The following FREM1 variants were observed in gnomAD, a reference collection of about 807,000 sequenced individuals.
The protein encoded by FREM1 is FRAS1 related extracellular matrix 1.
In FREM1, 220 loss-of-function variants were observed where a neutral mutation model predicts 210.1. That is an observed-to-expected ratio of 1.05 (90% confidence interval 0.94 to 1.17). The LOEUF is 1.17. Ranked by LOEUF, FREM1 falls within the 50% of genes most tolerant of loss-of-function variation. The pLI is 0.00. For synonymous variants in FREM1, 1,189 were observed against 980.2 expected, an observed-to-expected ratio of 1.21 and a Z score of -3.98; for missense variants, 3,454 against 2,675.5, an observed-to-expected ratio of 1.29 and a Z score of -6.42.
At chr9:14,739,582 C>T (rs898965037) in intron 36 of FREM1, among the ~76,000 whole-genome samples, 49 of 145,824 alleles carry the variant, frequency 3.4e-4, no homozygotes, top group African/African-American at 1.2e-3. Flanking sequence ...TATATTTATA[C>T]ATACACCACA....
intron 3 of FREM1, 93 bp from the exon 4 acceptor site, chr9:14,859,577 A>C: frequency 9.4e-7 from 1 of 1,060,492 alleles, no homozygotes; most frequent in Non-Finnish European, 1.4e-6. Flanking sequence ...ATTGGCCTTC[A>C]CCAAATTTGT....
At chr9:14,805,675 T>C (rs1434479318) in intron 18 of FREM1, among the ~76,000 whole-genome samples, 1 of 152,244 alleles carries the variant, frequency 6.6e-6, no homozygotes, top group Non-Finnish European at 1.5e-5. Context: ...TGCTTAAAGA[T>C]GTGCATTAAG....
intron 27 of FREM1, among the ~76,000 whole-genome samples, chr9:14,762,760 T>TC (rs1375167899): frequency 6.6e-6 from 1 of 151,374 alleles, no homozygotes; most frequent in East Asian, 1.9e-4. Context: ...ATGTGATTTT[T>TC]TTTTTTTTTT....
At chr9:14,773,277 T>C (rs1024833148) in intron 25 of FREM1, among the ~76,000 whole-genome samples, 1 of 152,206 alleles carries the variant, frequency 6.6e-6, no homozygotes, top group Non-Finnish European at 1.5e-5. Flanking sequence ...CAAATGAATG[T>C]CAGGTTGTGC....
At chr9:14,792,303 C>CAG (rs150406422) in intron 22 of FREM1, among the ~76,000 whole-genome samples, 2,381 of 137,708 alleles carry the variant, frequency 0.017, 29 homozygotes, top group Non-Finnish European at 0.026. Flanking sequence ...CACACACACA[C>CAG]AGAGAGAGAG....
At chr9:14,757,485 G>T (rs941815400) in intron 28 of FREM1, among the ~76,000 whole-genome samples, 1 of 152,164 alleles carries the variant, frequency 6.6e-6, no homozygotes, top group Non-Finnish European at 1.5e-5. Flanking sequence ...AACTTGGGAG[G>T]TGGAGGTTGC....
chr9:14,832,654 T>C (rs1823779740), intron 10 of FREM1, among the ~76,000 whole-genome samples: 1 of 152,114 alleles, frequency 6.6e-6, no homozygotes, highest in African/African-American at 2.4e-5. Flanking sequence ...AAATGCTTGA[T>C]GTAGAGTTGA....
chr9:14,777,513 C>T (rs12376332), intron 24 of FREM1, among the ~76,000 whole-genome samples: 5 of 152,024 alleles, frequency 3.3e-5, no homozygotes, highest in African/African-American at 9.7e-5. Flanking sequence ...TGGAAATATT[C>T]GTAGAGGATG....
At chr9:14,765,450 T>G (rs1042535486) in intron 27 of FREM1, among the ~76,000 whole-genome samples, 6 of 152,330 alleles carry the variant, frequency 3.9e-5, no homozygotes, top group Admixed American at 1.3e-4. Flanking sequence ...ATTACACTCA[T>G]GTAAAATGAT....
At chr9:14,826,817 T>C (rs1822543625) in intron 10 of FREM1, among the ~76,000 whole-genome samples, 1 of 152,198 alleles carries the variant, frequency 6.6e-6, no homozygotes, top group South Asian at 2.1e-4. Context: ...ACACAGCATT[T>C]GTTCCCTCTG....
At chr9:14,747,085 A>G in intron 33 of FREM1, 34 bp from the exon 34 acceptor site, 1 of 1,612,566 alleles carries the variant, frequency 6.2e-7, no homozygotes, top group Non-Finnish European at 8.5e-7. Flanking sequence ...GCAATTTAGA[A>G]TTGACTTAAG....
chr9:14,801,784 T>A lies in FREM1; in HGVS notation c.3562A>T (p.Thr1188Ser). The A allele has an allele frequency of 6.2e-7, 1 of 1,613,900 alleles. No homozygotes were observed. The highest frequency in any genetic ancestry group is 8.5e-7 in the Non-Finnish European group (1 of 1,179,854). The change falls in exon 20 of 37, where the codon ACT becomes TCT. Residue 1188 changes from threonine to serine, a missense_variant. Coordinates refer to ENST00000380880, the MANE Select transcript of FREM1 (RefSeq NM_001379081.2). ...IPQDALLFSITQKPRHGLLID... is the reference protein window; with the variant it reads ...IPQDALLFSISQKPRHGLLID... ...AGGAGGCCATGGCGTGGCTTTTGAG[T>A]GATGCTGAACAGCAGGGCATCCTGG...
intron 22 of FREM1, among the ~76,000 whole-genome samples, chr9:14,792,307 G>A (rs200804948): frequency 7.5e-6 from 1 of 132,904 alleles, no homozygotes; most frequent in African/African-American, 2.7e-5. Context: ...CACACACAGA[G>A]AGAGAGAGAG....
At chr9:14,771,723 C>T (rs916212776) in intron 25 of FREM1, among the ~76,000 whole-genome samples, 3 of 151,840 alleles carry the variant, frequency 2.0e-5, no homozygotes, top group Non-Finnish European at 4.4e-5. Context: ...CTTAGTTTGC[C>T]CTAGCAAAGT....
intron 10 of FREM1, among the ~76,000 whole-genome samples, chr9:14,840,187 G>T (rs1253708398): frequency 1.3e-5 from 2 of 152,152 alleles, no homozygotes; most frequent in Non-Finnish European, 2.9e-5. Flanking sequence ...TTATGGGAAG[G>T]CATTATGTGA....
At chr9:14,863,722 T>A (rs983717515) in intron 3 of FREM1, 87 bp downstream of exon 3, 6 of 771,112 alleles carry the variant, frequency 7.8e-6, no homozygotes, top group Non-Finnish European at 1.3e-5. Flanking sequence ...ACTCCCCTCA[T>A]GACAATACAT....
At chr9:14,784,665 T>C (rs1850135156) in intron 23 of FREM1, 31 bp from the exon 24 acceptor site, 2 of 1,463,668 alleles carry the variant, frequency 1.4e-6, no homozygotes, top group Non-Finnish European at 1.8e-6. Context: ...TGGTCAATAA[T>C]CATATCAAAA....
chr9:14,843,494 G>A (rs1476672233), intron 8 of FREM1, among the ~76,000 whole-genome samples: 2 of 87,086 alleles, frequency 2.3e-5, no homozygotes, highest in African/African-American at 9.3e-5. Context: ...CTCATAGATA[G>A]ATAGGTAGGT....
chr9:14,829,912 A>G (rs1316719454), intron 10 of FREM1, among the ~76,000 whole-genome samples: 1 of 152,212 alleles, frequency 6.6e-6, no homozygotes, highest in African/African-American at 2.4e-5. Context: ...ATAAGGATAG[A>G]TGAGAGATGC....
Sources: gnomAD v4.1 joint callset for allele counts (sites outside exome capture counted in the v4.1 genomes callset) on GRCh38, gnomAD v4.1.1 for gene constraint, MANE v1.5 for transcripts, NCBI Gene and HGNC (gene_info 2026-07-23, HGNC 2026-07-21) for gene names.